VWC2L: variants seen among roughly 807,000 people sequenced by gnomAD.
VWC2L encodes von Willebrand factor C domain containing 2 like, also known as von Willebrand factor C domain-containing protein 2-like.
VWC2L carries 10 observed loss-of-function variants against 21.6 expected under a neutral mutation model. The observed-to-expected ratio is 0.46, with a 90% confidence interval of 0.29 to 0.78. VWC2L has a LOEUF of 0.78. Among genes scored for constraint, VWC2L ranks in the 30% least tolerant of loss-of-function variants. The pLI is 0.10. For synonymous variants in VWC2L, 96 were observed against 94.3 expected (o/e 1.02, Z -0.10); for missense variants, 209 against 277.1 (o/e 0.75, Z 1.74).
At chr2:214,479,956 G>A (rs1164713709) in intron 3 of VWC2L, among the ~76,000 whole-genome samples, 2 of 152,148 alleles carry the variant, frequency 1.3e-5, no homozygotes, top group Admixed American at 1.3e-4. Flanking sequence ...TAGGATGGTT[G>A]TGTCATTAAT....
intron 2 of VWC2L, chr2:214,415,318 A>C (rs1298905703): frequency 6.6e-6 from 1 of 152,194 alleles, no homozygotes; most frequent in Admixed American, 6.5e-5. Flanking sequence ...CCCAATGGCT[A>C]GTTTTAATTG....
chr2:214,438,877 A>T (rs1486184159), intron 3 of VWC2L, among the ~76,000 whole-genome samples: 1 of 152,046 alleles, frequency 6.6e-6, no homozygotes, highest in African/African-American at 2.4e-5. Context: ...TAAGTACACA[A>T]GGTATGTTAA....
intron 3 of VWC2L, among the ~76,000 whole-genome samples, chr2:214,515,735 A>G (rs1441889589): frequency 6.6e-6 from 1 of 152,010 alleles, no homozygotes; most frequent in East Asian, 1.9e-4. Flanking sequence ...TTGTATTTTC[A>G]GTAGAGATGG....
intron 3 of VWC2L, among the ~76,000 whole-genome samples, chr2:214,559,021 C>T (rs1428229401): frequency 7.2e-6 from 1 of 139,308 alleles, no homozygotes; most frequent in East Asian, 2.0e-4. Context: ...TCCCTCCCCC[C>T]TCCCCCCACC....
At chr2:214,490,575 C>T (rs976296732) in intron 3 of VWC2L, among the ~76,000 whole-genome samples, 1 of 152,120 alleles carries the variant, frequency 6.6e-6, no homozygotes, top group African/African-American at 2.4e-5. Flanking sequence ...GCAGCTACTA[C>T]TCAAAGTGAT....
intron 3 of VWC2L, among the ~76,000 whole-genome samples, chr2:214,574,964 C>T (rs908825924): frequency 6.9e-6 from 1 of 145,960 alleles, no homozygotes; most frequent in Non-Finnish European, 1.5e-5. Context: ...TTCAATAAGG[C>T]TTTTGAATGT....
chr2:214,483,699 G>A (rs969853360), intron 3 of VWC2L, among the ~76,000 whole-genome samples: 2 of 152,158 alleles, frequency 1.3e-5, no homozygotes, highest in Non-Finnish European at 2.9e-5. Flanking sequence ...CAGTAGGAAA[G>A]CCGTTTGATT....
intron 3 of VWC2L, among the ~76,000 whole-genome samples, chr2:214,477,194 T>C (rs1307095750): frequency 6.6e-6 from 1 of 152,184 alleles, no homozygotes; most frequent in Non-Finnish European, 1.5e-5. Flanking sequence ...AAAATGCCAT[T>C]CATGTGAACA....
chr2:214,530,538 C>T (rs1028714099), intron 3 of VWC2L, among the ~76,000 whole-genome samples: 1 of 152,110 alleles, frequency 6.6e-6, no homozygotes, highest in African/African-American at 2.4e-5. Flanking sequence ...GATAGGCAGA[C>T]ATAGACCCCA....
intron 3 of VWC2L, among the ~76,000 whole-genome samples, chr2:214,529,473 A>T (rs771328302): frequency 1.3e-5 from 2 of 152,158 alleles, no homozygotes; most frequent in African/African-American, 4.8e-5. Flanking sequence ...CGGAAACTCA[A>T]TGACCAAACT....
chr2:214,420,951 T>C (rs1364696518), intron 2 of VWC2L, among the ~76,000 whole-genome samples: 1 of 152,238 alleles, frequency 6.6e-6, no homozygotes, highest in African/African-American at 2.4e-5. Flanking sequence ...GACCTTACAA[T>C]TGCTTATCTG....
chr2:214,481,643 C>T (rs1312647660), intron 3 of VWC2L, among the ~76,000 whole-genome samples: 1 of 152,130 alleles, frequency 6.6e-6, no homozygotes, highest in South Asian at 2.1e-4. Context: ...TTTTAAGTAA[C>T]CACAAATAAT....
At chr2:214,522,553 G>A (rs1689262027) in intron 3 of VWC2L, among the ~76,000 whole-genome samples, 2 of 152,032 alleles carry the variant, frequency 1.3e-5, no homozygotes, top group Non-Finnish European at 2.9e-5. Flanking sequence ...ATGTGAATAA[G>A]TGTGTCATGG....
chr2:214,441,216 T>A (rs948048864), intron 3 of VWC2L, among the ~76,000 whole-genome samples: 28 of 152,206 alleles, frequency 1.8e-4, no homozygotes, highest in African/African-American at 6.5e-4. Context: ...AGAAGGGACT[T>A]CACAGGCATC....
chr2:214,436,860 G>A (rs549735102), intron 3 of VWC2L, 102 bp downstream of exon 3: 28 of 1,406,702 alleles, frequency 2.0e-5, no homozygotes, highest in Non-Finnish European at 2.5e-5. Flanking sequence ...AGATCTGCCT[G>A]TGGCTTTTCA....
At chr2:214,463,739 T>C (rs576300320) in intron 3 of VWC2L, among the ~76,000 whole-genome samples, 1 of 152,212 alleles carries the variant, frequency 6.6e-6, no homozygotes, top group Non-Finnish European at 1.5e-5. Context: ...GTTTACAGTA[T>C]ACATCTTTAG....
intron 3 of VWC2L, among the ~76,000 whole-genome samples, chr2:214,557,664 C>A (rs1166529436): frequency 6.6e-6 from 1 of 152,052 alleles, no homozygotes; most frequent in Admixed American, 6.6e-5. Context: ...TTCATCTTTT[C>A]TTCACCCTTA....
chr2:214,441,586 T>C (rs1386589703), intron 3 of VWC2L, among the ~76,000 whole-genome samples: 1 of 151,998 alleles, frequency 6.6e-6, no homozygotes, highest in Non-Finnish European at 1.5e-5. Context: ...TCTTTCAAAA[T>C]GTTTGTATCC....
chr2:214,432,247 T>C (rs189134811), intron 2 of VWC2L, among the ~76,000 whole-genome samples: 139 of 152,344 alleles, frequency 9.1e-4, no homozygotes, highest in African/African-American at 3.2e-3. Context: ...AGATGTCTTC[T>C]AGGTGCTGAG....
Sources: allele counts gnomAD v4.1 joint callset (sites outside exome capture counted in the v4.1 genomes callset), GRCh38; gene constraint gnomAD v4.1.1; transcripts MANE v1.5; gene names NCBI Gene and HGNC (gene_info 2026-07-23, HGNC 2026-07-21).